TTBK1: variants seen among roughly 807,000 people sequenced by gnomAD.
The protein encoded by TTBK1 is tau tubulin kinase 1.
In TTBK1, 34 loss-of-function variants were observed where a neutral mutation model predicts 108.5. That is an observed-to-expected ratio of 0.31 (90% CI 0.24 to 0.42). The LOEUF (loss-of-function observed/expected upper bound fraction) is 0.42. TTBK1 is among the 10% of genes least tolerant of loss of function. The pLI is 1.00. For synonymous variants in TTBK1, 809 were observed against 795.1 expected (o/e 1.02, Z -0.29); for missense variants, 1,539 against 1,826.0 (o/e 0.84, Z 2.86).
Position 43,269,342 on chromosome 6 carries a change from T to C in TTBK1, c.1986+5992T>C, listed in dbSNP as rs1445325511. Among the ~76,000 whole-genome samples the C allele has an allele frequency of 1.3e-5, 2 of 152,034 alleles. No homozygotes were observed. Among genetic ancestry groups the C allele is most frequent in the African/African-American group, 2.4e-5 (1 of 41,402 alleles). Reference sequence around the variant, plus strand: ...CAGTCCAGAACAACCCTGAGCTAGGTAGGACTAAGCCAGGAAGGCTTCTCG... The same window carrying C: ...CAGTCCAGAACAACCCTGAGCTAGGCAGGACTAAGCCAGGAAGGCTTCTCG... On this transcript the variant is annotated intron_variant, in intron 13 of 14. Coordinates refer to ENST00000259750, the MANE Select transcript of TTBK1 (RefSeq NM_032538.3). The surrounding 1 kb of genome is among the most constrained non-coding windows in gnomAD (Gnocchi z 4.8).
Position 43,285,016 on chromosome 6 carries a change from T to A in TTBK1, c.3606T>A (p.Thr1202=). ...LQLQTPPGSA[T]AADLRPKQPP... ...TGCAGACGCCCCCAGGGTCGGCCAC[T>A]GCTGCTGACCTCCGCCCCAAACAAC... Residue 1202 remains threonine (T), a synonymous_variant, in exon 15 of 15, where the codon ACT becomes ACA. Coordinates refer to ENST00000259750, the MANE Select transcript of TTBK1 (RefSeq NM_032538.3). This position sits in a 1 kb window ranked among gnomAD's most constrained non-coding sequence, Gnocchi z 4.7. The A allele has an allele frequency of 6.6e-7, 1 of 1,517,260 alleles. No homozygotes were observed. The highest frequency in any genetic ancestry group is 1.2e-5 in the South Asian group (1 of 82,706). 94.0% of individuals were successfully genotyped at this position (1,517,260 alleles called of 1,614,324 possible).
rs976658182 is a variant in TTBK1, at chr6:43,283,892, G to A, written c.3152G>A (p.Arg1051His). The A allele has an allele frequency of 9.9e-6, 16 of 1,611,540 alleles. No homozygotes were observed. Among genetic ancestry groups the A allele is most frequent in the Middle Eastern group, 1.6e-4 (1 of 6,076 alleles). The change falls in exon 14 of 15, where the codon CGC becomes CAC. Residue 1051 changes from arginine (R) to histidine (H), a missense_variant. Coordinates refer to ENST00000259750, the MANE Select transcript of TTBK1 (RefSeq NM_032538.3). This position sits in a 1 kb window ranked among gnomAD's most constrained non-coding sequence, Gnocchi z 8.1. ...SPRRHAMPGS[R>H]PRSRIPVLLS... ...AGACGCCATGCTATGCCAGGCTCTC[G>A]CCCCAGGAGCCGTATCCCTGTCCTG...
At chr6:43,281,367 C>A (rs1490214831) in intron 13 of TTBK1, among the ~76,000 whole-genome samples, 1 of 143,964 alleles carries the variant, frequency 6.9e-6, no homozygotes, top group East Asian at 2.0e-4. Flanking sequence ...CAGAGCAGGG[C>A]TCCATATCAA....
intron 6 of TTBK1, 106 bp from the exon 7 acceptor site, chr6:43,254,943 G>C (rs1582481358): frequency 8.6e-7 from 1 of 1,164,304 alleles, no homozygotes; most frequent in Non-Finnish European, 1.3e-6. Context: ...CACCTCCCCA[G>C]CCAGGGGAGG....
chr6:43,275,869 C>A (rs1031154449), intron 13 of TTBK1, among the ~76,000 whole-genome samples: 1 of 152,114 alleles, frequency 6.6e-6, no homozygotes, highest in African/African-American at 2.4e-5. Context: ...CGACCCCGCT[C>A]CCCGCTCGGA....
intron 2 of TTBK1, among the ~76,000 whole-genome samples, chr6:43,252,001 T>C (rs1777254524): frequency 1.3e-5 from 2 of 152,114 alleles, no homozygotes; most frequent in Non-Finnish European, 1.5e-5. Context: ...GTCTGGCAAT[T>C]GGTTTTCCTT....
At position 43,253,199 on chromosome 6, in the gene TTBK1, C is replaced by T; in HGVS notation, c.257-92C>T. 1 of 1,392,948 alleles carries T rather than the reference C, an allele frequency of 7.2e-7. No homozygotes were observed. The highest frequency in any genetic ancestry group is 1.0e-6 in the Non-Finnish European group (1 of 980,832). 86.3% of individuals were successfully genotyped at this position (1,392,948 alleles called of 1,614,324 possible). ...GCTCACAGGGCCAGCACTGGAGGGA[C>T]CAGGAATCAAGAGTGCACTAGGAAC... On this transcript the variant is annotated intron_variant, in intron 3 of 14. Coordinates refer to ENST00000259750, the MANE Select transcript of TTBK1 (RefSeq NM_032538.3). The surrounding 1 kb of genome is among the most constrained non-coding windows in gnomAD (Gnocchi z 5.8).
Position 43,282,873 on chromosome 6 carries a change from G to A in TTBK1, c.2133G>A (p.Ser711=), listed in dbSNP as rs560655939. Residue 711 remains serine (S), a synonymous_variant, in exon 14 of 15, where the codon TCG becomes TCA. Transcript: ENST00000259750. The surrounding 1 kb of genome is among the most constrained non-coding windows in gnomAD (Gnocchi z 5.4). ...LLNRVRRVGF[S]HMLLTTPQVP... ...ACAGGGTCCGGAGGGTGGGCTTCTC[G>A]CACATGCTGCTCACCACCCCCCAGG... 5.0e-6 allele frequency: 8 copies of A among 1,613,824 alleles called. No individual in the cohort carries two copies. Among genetic ancestry groups the A allele is most frequent in the African/African-American group, 4.0e-5 (3 of 74,842 alleles).
At chr6:43,272,217 G>A in intron 13 of TTBK1, 1 of 985,430 alleles carries the variant, frequency 1.0e-6, no homozygotes, top group Non-Finnish European at 1.2e-6. Flanking sequence ...CACCCAATCT[G>A]GGGTTGGATG....
intron 13 of TTBK1, chr6:43,272,304 T>C (rs1426773749): frequency 1.0e-6 from 1 of 985,362 alleles, no homozygotes; most frequent in Admixed American, 6.1e-5. Context: ...TCCATCTCAG[T>C]GACCAGAACC....
At chr6:43,251,222 A>G (rs1216578561) in intron 2 of TTBK1, among the ~76,000 whole-genome samples, 1 of 152,168 alleles carries the variant, frequency 6.6e-6, no homozygotes, top group African/African-American at 2.4e-5. Flanking sequence ...CGCAGTGTCA[A>G]TCACCACTAA....
chr6:43,251,878 T>C (rs891951331), intron 2 of TTBK1, among the ~76,000 whole-genome samples: 1 of 152,118 alleles, frequency 6.6e-6, no homozygotes, highest in Non-Finnish European at 1.5e-5. Flanking sequence ...CGAACATCCT[T>C]TGCTGAATCC....
At chr6:43,261,252 C>T (rs1415671994) in intron 12 of TTBK1, among the ~76,000 whole-genome samples, 1 of 152,192 alleles carries the variant, frequency 6.6e-6, no homozygotes, top group Non-Finnish European at 1.5e-5. Context: ...GCTGAAGAGC[C>T]ATTGAACCAC....
chr6:43,275,295 T>A (rs1582511396), intron 13 of TTBK1, among the ~76,000 whole-genome samples: 1 of 151,816 alleles, frequency 6.6e-6, no homozygotes, highest in African/African-American at 2.4e-5. Flanking sequence ...CCGCCGGACT[T>A]CGGCCCCGCC....
Position 43,285,769 on chromosome 6 carries a change from C to A in TTBK1, c.*393C>A, listed in dbSNP as rs978436462. 4.3e-5 allele frequency: 7 copies of A among 161,586 alleles called. No homozygotes were observed. Among genetic ancestry groups the A allele is most frequent in the African/African-American group, 1.7e-4 (7 of 41,868 alleles). The allele number at this position is 161,586 out of a possible 1,614,324, so 10.0% of individuals were successfully genotyped here. A position where few individuals can be genotyped will look rare whatever the true frequency, so the allele number is the denominator to read the frequency against. ...CAGGCCTAGGCTACGCTCCATGCTC[C>A]CCCAGCAATCTCTGCCTACACCTCC... On this transcript the variant is annotated 3_prime_UTR_variant, in exon 15 of 15. Coordinates refer to ENST00000259750, the MANE Select transcript of TTBK1 (RefSeq NM_032538.3). This position sits in a 1 kb window ranked among gnomAD's most constrained non-coding sequence, Gnocchi z 4.7.
At chr6:43,277,390 G>A (rs959859755) in intron 13 of TTBK1, among the ~76,000 whole-genome samples, 1 of 152,094 alleles carries the variant, frequency 6.6e-6, no homozygotes, top group African/African-American at 2.4e-5. Flanking sequence ...AGAGGGGAAA[G>A]GTGAGGAGGA....
chr6:43,270,849 A>G, intron 13 of TTBK1: 1 of 985,406 alleles, frequency 1.0e-6, no homozygotes, highest in Non-Finnish European at 1.2e-6. Flanking sequence ...TGTCAGCAAA[A>G]CCAGTGTCTC....
At chr6:43,252,666 A>G in intron 2 of TTBK1, 73 bp from the exon 3 acceptor site, 1 of 1,556,714 alleles carries the variant, frequency 6.4e-7, no homozygotes, top group Non-Finnish European at 8.7e-7. Flanking sequence ...TGAAGGATGC[A>G]ACCAAGCAGC....
In TTBK1 at chr6:43,285,030, GC is replaced by G; in HGVS notation, c.3624del (p.Lys1209AsnfsTer174). The G allele has an allele frequency of 6.6e-7, 1 of 1,515,712 alleles. No individual in the cohort carries two copies. The highest frequency in any genetic ancestry group is 8.8e-7 in the Non-Finnish European group (1 of 1,138,054). The allele number at this position is 1,515,712 out of a possible 1,614,324, so 93.9% of individuals were successfully genotyped here. A position where few individuals can be genotyped will look rare whatever the true frequency, so the allele number is the denominator to read the frequency against. On this transcript the variant is annotated frameshift_variant, in exon 15 of 15. Transcript: ENST00000259750. LOFTEE classifies it high-confidence loss of function. The surrounding 1 kb of genome is among the most constrained non-coding windows in gnomAD (Gnocchi z 4.7). Reference protein sequence around the residue: ...PPGSATAADLRPKQPPGRGLG... With the variant: ...PPGSATAADLXPKQPPGRGLG... ...GGGTCGGCCACTGCTGCTGACCTCCGCCCCAAACAACCTCCTGGCCGCGGCC... is the reference window on the plus strand; with the variant it reads ...GGGTCGGCCACTGCTGCTGACCTCCGCCCAAACAACCTCCTGGCCGCGGCC...
Sources: gnomAD v4.1 joint callset for allele counts (sites outside exome capture counted in the v4.1 genomes callset) on GRCh38, gnomAD v4.1.1 for gene constraint, Gnocchi (gnomAD v3.1) non-coding constraint, MANE v1.5 for transcripts, NCBI Gene and HGNC (gene_info 2026-07-23, HGNC 2026-07-21) for gene names.